The following EDEM2 variants were observed in gnomAD, a reference collection of about 807,000 sequenced individuals.
EDEM2 encodes ER degradation enhancing alpha-mannosidase like protein 2.
EDEM2 carries 39 observed loss-of-function variants against 64.8 expected under a neutral mutation model. The ratio of observed to expected loss-of-function variants is 0.60; its 90% CI spans 0.47 to 0.79. The LOEUF is 0.79. EDEM2 is among the 30% of genes least tolerant of loss of function. The pLI is 0.00. For synonymous variants in EDEM2, 296 were observed against 291.5 expected (o/e 1.02, Z -0.16); for missense variants, 609 against 731.3 (o/e 0.83, Z 1.93).
At chr20:35,132,998 A>C (rs2085526398) in intron 6 of EDEM2, among the ~76,000 whole-genome samples, 1 of 152,168 alleles carries the variant, frequency 6.6e-6, no homozygotes, top group African/African-American at 2.4e-5. Context: ...AGTCCTTGTA[A>C]ACACCAGTAG....
intron 9 of EDEM2, among the ~76,000 whole-genome samples, chr20:35,122,305 A>G (rs916221319): frequency 6.6e-6 from 1 of 152,218 alleles, no homozygotes; most frequent in African/African-American, 2.4e-5. Context: ...ATTTAGTTCC[A>G]AACCCTAATC....
intron 8 of EDEM2, 108 bp downstream of exon 8, chr20:35,126,143 A>G: frequency 1.4e-6 from 2 of 1,451,940 alleles, no homozygotes; most frequent in South Asian, 1.4e-5. Flanking sequence ...GTCCCTCCAA[A>G]AAAAGTACTC....
Position 35,119,557 on chromosome 20 carries a change from C to T in EDEM2, c.1115-838G>A, listed in dbSNP as rs116504186. On this transcript the variant is annotated intron_variant, in intron 9 of 10. Coordinates refer to ENST00000374492, the MANE Select transcript of EDEM2 (RefSeq NM_018217.3). ...GCAGTGAGCCATGATTAAGCCACTG[C>T]GGCACTCCAGCCTGGATGACAAGAG... is the stretch of plus-strand genomic sequence containing the variant. 4.5e-3 allele frequency among the ~76,000 whole-genome samples: 687 copies of T among 152,056 alleles called. 2 individuals are homozygous for T. Among genetic ancestry groups the T allele is most frequent in the African/African-American group, 0.016 (652 of 41,496 alleles).
intron 6 of EDEM2, among the ~76,000 whole-genome samples, chr20:35,133,829 T>C (rs548942629): frequency 1.3e-5 from 2 of 152,308 alleles, no homozygotes; most frequent in Admixed American, 1.3e-4. Flanking sequence ...CTTTTCAAGC[T>C]GGATTAGCAC....
intron 9 of EDEM2, among the ~76,000 whole-genome samples, chr20:35,123,584 C>A (rs1403017624): frequency 6.6e-6 from 1 of 152,076 alleles, no homozygotes; most frequent in African/African-American, 2.4e-5. Flanking sequence ...AATAGCGAAA[C>A]TCCATCTCAA....
chr20:35,137,205 G>A (rs1856291395), intron 5 of EDEM2, among the ~76,000 whole-genome samples: 1 of 152,108 alleles, frequency 6.6e-6, no homozygotes, highest in African/African-American at 2.4e-5. Context: ...ATCACTTGAG[G>A]TCAAGAGTTT....
At chr20:35,132,102 T>C (rs1352343210) in intron 6 of EDEM2, among the ~76,000 whole-genome samples, 1 of 152,230 alleles carries the variant, frequency 6.6e-6, no homozygotes, top group East Asian at 1.9e-4. Flanking sequence ...GAATTTGCTG[T>C]TGCCGCAATC....
intron 4 of EDEM2, among the ~76,000 whole-genome samples, chr20:35,141,825 G>T (rs1427311519): frequency 3.9e-5 from 6 of 152,078 alleles, no homozygotes; most frequent in African/African-American, 1.5e-4. Context: ...AAGTTTGGAA[G>T]ATTAATGCTG....
At chr20:35,117,888 T>A (rs1253966429) in intron 10 of EDEM2, among the ~76,000 whole-genome samples, 1 of 152,152 alleles carries the variant, frequency 6.6e-6, no homozygotes, top group Non-Finnish European at 1.5e-5. Context: ...ACTGCTCTGC[T>A]GTAAATCCTA....
At chr20:35,137,806 G>A in intron 5 of EDEM2, 74 bp downstream of exon 5, 1 of 1,563,160 alleles carries the variant, frequency 6.4e-7, no homozygotes, top group Admixed American at 1.9e-5. Flanking sequence ...ATTCAGCACT[G>A]CCACTCTCAT....
chr20:35,116,488 AC>A (rs1006432850), intron 10 of EDEM2, among the ~76,000 whole-genome samples: 1 of 152,038 alleles, frequency 6.6e-6, no homozygotes, highest in Non-Finnish European at 1.5e-5. Flanking sequence ...CTAGCACAGC[AC>A]CCTCCTGCTT....
At chr20:35,120,561 G>A (rs1259071012) in intron 9 of EDEM2, among the ~76,000 whole-genome samples, 1 of 151,114 alleles carries the variant, frequency 6.6e-6, no homozygotes, top group Non-Finnish European at 1.5e-5. Flanking sequence ...CTCATGGGAG[G>A]CCTCCTCTTC....
rs1321392135 is a variant in EDEM2 at position 35,146,871 on chromosome 20, C to G, written c.172G>C (p.Asp58His). 5 of 1,614,018 alleles carry G rather than the reference C, an allele frequency of 3.1e-6. No homozygotes were observed. In the African/African-American group the frequency reaches 6.7e-5, roughly 22 times the overall value. The change falls in exon 2 of 11, where the codon GAT (aspartate) becomes CAT (histidine). Residue 58 changes from aspartate (D) to histidine (H), a missense_variant. By Grantham distance (81) the Asp-to-His change is moderately conservative. Transcript: ENST00000374492. ...TCACAGGTGAGAGGTCGCAGCTCAT[C>G]GAAGGGAAAGGCATTCTCCAGGTAG... is the stretch of plus-strand genomic sequence containing the variant. The part of the protein sequence containing the change: ...DSYLENAFPF[D>H]ELRPLTCDGH...
intron 7 of EDEM2, among the ~76,000 whole-genome samples, chr20:35,130,211 G>A (rs1455395070): frequency 6.6e-6 from 1 of 152,012 alleles, no homozygotes; most frequent in Non-Finnish European, 1.5e-5. Context: ...GGGACTACAG[G>A]CACGCACCAT....
At chr20:35,118,075 T>C (rs1038270202) in intron 10 of EDEM2, among the ~76,000 whole-genome samples, 1 of 152,120 alleles carries the variant, frequency 6.6e-6, no homozygotes, top group Non-Finnish European at 1.5e-5. Context: ...ACATTCATGG[T>C]TTTTTTCTCA....
intron 4 of EDEM2, among the ~76,000 whole-genome samples, chr20:35,138,546 T>C (rs2085608719): frequency 6.6e-6 from 1 of 152,150 alleles, no homozygotes; most frequent in Non-Finnish European, 1.5e-5. Flanking sequence ...TTTTACTAAT[T>C]TATCTATTTC....
At chr20:35,135,060 A>G (rs2295888) in intron 5 of EDEM2, 111 bp from the exon 6 acceptor site, 111,528 of 1,066,662 alleles carry the variant, frequency 0.1, 7,184 homozygotes, top group African/African-American at 0.24. Context: ...TCTCCTGGGT[A>G]TCCTGCTAGA....
At position 35,115,927 on chromosome 20, in the gene EDEM2, C is replaced by G. The variant is rs2085304543; in HGVS notation, c.1243G>C (p.Asp415His). 6.2e-7 allele frequency: 1 copy of G among 1,613,078 alleles called. No homozygotes were observed. Among genetic ancestry groups the G allele is most frequent in the South Asian group, 1.1e-5 (1 of 90,928 alleles). Residue 415 changes from aspartate to histidine, a missense_variant, in exon 11 of 11, where the codon GAT becomes CAT. Transcript: ENST00000374492. ...KVECGFATIK[D>H]LRDHKLDNRM... ...TTGTCCAGCTTGTGGTCTCGCAGAT[C>G]TTTGATCTGACATGTGGGAGAAGGA...
At position 35,122,796 on chromosome 20, in the gene EDEM2, A is replaced by G. The variant is rs141594944; in HGVS notation, c.1114+1094T>C. Among the ~76,000 whole-genome samples, 3 of 152,170 alleles carry G rather than the reference A, an allele frequency of 2.0e-5. No individual in the cohort carries two copies. In the East Asian group the frequency reaches 5.8e-4, roughly 29 times the overall value. On this transcript the variant is annotated intron_variant, in intron 9 of 10. Transcript: ENST00000374492. The stretch of plus-strand genomic sequence containing the variant: ...TATTCCCTCTCCTGGTCCCCTCTAC[A>G]CCTCCTACGATAATCACTTGAGTTA...
Sources: gnomAD v4.1 joint callset for allele counts (sites outside exome capture counted in the v4.1 genomes callset) on GRCh38, gnomAD v4.1.1 for gene constraint, MANE v1.5 for transcripts, NCBI Gene and HGNC (gene_info 2026-07-23, HGNC 2026-07-21) for gene names.